Variants in ZNF326 observed in about 807,000 individuals in gnomAD.
The protein encoded by ZNF326 is DBIRD complex subunit ZNF326.
ZNF326 carries 30 observed loss-of-function variants against 63.1 expected under a neutral mutation model. The ratio of observed to expected loss-of-function variants is 0.48; its 90% confidence interval spans 0.36 to 0.64. The LOEUF is 0.64. ZNF326 is among the 30% of genes least tolerant of loss of function. The pLI, the probability that ZNF326 is intolerant of heterozygous loss-of-function variation, is 0.00. For synonymous variants in ZNF326, 194 were observed against 228.2 expected (o/e 0.85, Z 1.35); for missense variants, 609 against 720.3 (o/e 0.85, Z 1.77).
chr1:90,002,175 A>T (rs1489389416), intron 2 of ZNF326, among the ~76,000 whole-genome samples: 1 of 152,214 alleles, frequency 6.6e-6, no homozygotes, highest in Admixed American at 6.5e-5. Context: ...TGTATACAAT[A>T]TAAAGACTTT....
At chr1:90,021,806 C>T (rs959315193) in intron 10 of ZNF326, among the ~76,000 whole-genome samples, 3 of 152,084 alleles carry the variant, frequency 2.0e-5, no homozygotes, top group Non-Finnish European at 4.4e-5. Context: ...TCTTGATATT[C>T]CCTTGACACC....
At chr1:90,006,170 A>G (rs892629989) in intron 4 of ZNF326, 1 of 985,458 alleles carries the variant, frequency 1.0e-6, no homozygotes, top group South Asian at 4.7e-5. Context: ...AAAAATTAAG[A>G]AAGTGAACAG....
In ZNF326 at chr1:90,027,695, A is replaced by C; in HGVS notation, c.1743A>C (p.Glu581Asp). The C allele has an allele frequency of 6.2e-7, 1 of 1,613,964 alleles. No homozygotes were observed. Among genetic ancestry groups the C allele is most frequent in the Non-Finnish European group, 8.5e-7 (1 of 1,179,934 alleles). Reference protein sequence around the residue: ...PADFPVEQPEEN With the variant: ...PADFPVEQPEDN Reference sequence around the variant, plus strand: ...ACTTCCCTGTTGAGCAACCTGAAGAAAATTAAATATAAGGTATTAGATTTA... The same window carrying C: ...ACTTCCCTGTTGAGCAACCTGAAGACAATTAAATATAAGGTATTAGATTTA... Residue 581 changes from glutamate to aspartate, a missense_variant, in exon 12 of 12, where the codon GAA becomes GAC. Glu to Asp is a conservative substitution (Grantham distance 45). This residue lies in a region of ZNF326 where 399 missense variants were observed against 444.3 expected (regional missense o/e 0.90). Transcript: ENST00000340281.
Position 90,033,143 on chromosome 1 carries a change from C to T in ZNF326, c.*5442C>T, listed in dbSNP as rs898077679. ...GAGAAATTTATTGGTTGGAAAACTG[C>T]TATCTACAGGCCTTCCACTACCTAT... On this transcript the variant is annotated 3_prime_UTR_variant, in exon 12 of 12. Coordinates refer to ENST00000340281, the MANE Select transcript of ZNF326 (RefSeq NM_182976.4). 1 of 152,148 alleles carries T rather than the reference C, an allele frequency of 6.6e-6. No homozygotes were observed. Among genetic ancestry groups the T allele is most frequent in the African/African-American group, 2.4e-5 (1 of 41,420 alleles). 9.4% of individuals were successfully genotyped at this position (152,148 alleles called of 1,614,324 possible).
chr1:90,020,952 G>T (rs768908075), intron 10 of ZNF326, 30 bp downstream of exon 10: 8 of 1,604,424 alleles, frequency 5.0e-6, no homozygotes, highest in Non-Finnish European at 6.0e-6. Flanking sequence ...TAATAAAGTT[G>T]CCAGATTATC....
chr1:90,013,199 A>G lies in ZNF326; in HGVS notation c.888A>G (p.Arg296=), dbSNP rs1352602493. The G allele has an allele frequency of 1.2e-6, 2 of 1,610,690 alleles. No individual in the cohort carries two copies. Among genetic ancestry groups the G allele is most frequent in the Non-Finnish European group, 1.7e-6 (2 of 1,178,338 alleles). The change falls in exon 7 of 12, where the codon AGA becomes AGG. Residue 296 remains arginine, a synonymous_variant. Coordinates refer to ENST00000340281, the MANE Select transcript of ZNF326 (RefSeq NM_182976.4). ...IEARREKQRR[R]REKNSEKYGD... ...CTCGGCGAGAGAAACAAAGGCGCAG[A>G]AGAGAAAAAAACAGTGAGAAATACG...
intron 8 of ZNF326, among the ~76,000 whole-genome samples, chr1:90,018,098 C>T (rs1416748213): frequency 6.6e-6 from 1 of 152,072 alleles, no homozygotes; most frequent in Non-Finnish European, 1.5e-5. Flanking sequence ...TCAAGACCAG[C>T]CTGAGCAACA....
At chr1:90,008,660 A>G (rs1412674273) in intron 5 of ZNF326, among the ~76,000 whole-genome samples, 1 of 152,300 alleles carries the variant, frequency 6.6e-6, no homozygotes, top group East Asian at 1.9e-4. Context: ...CTTTTAAGTC[A>G]GCTGCTCTTA....
At chr1:90,006,265 G>C in intron 4 of ZNF326, 1 of 983,090 alleles carries the variant, frequency 1.0e-6, no homozygotes, top group Non-Finnish European at 1.2e-6. Flanking sequence ...CTAGGATTCA[G>C]AAGTAAATCT....
Position 90,010,125 on chromosome 1 carries a change from T to C in ZNF326, c.653T>C (p.Ile218Thr). The C allele has an allele frequency of 1.9e-6, 3 of 1,613,888 alleles. No individual in the cohort carries two copies. Among genetic ancestry groups the C allele is most frequent in the Non-Finnish European group, 2.5e-6 (3 of 1,179,840 alleles). Residue 218 changes from isoleucine to threonine, a missense_variant, in exon 6 of 12, where the codon ATT (isoleucine) becomes ACT (threonine). Ile to Thr is a moderately conservative substitution (Grantham distance 89). Coordinates refer to ENST00000340281, the MANE Select transcript of ZNF326 (RefSeq NM_182976.4). The stretch of plus-strand genomic sequence containing the variant: ...TTTGGAAGCATTCATAGACCCGGAA[T>C]TGTTGTTGACTATCAAAACAAATCC... ...GDFGSIHRPG[I>T]VVDYQNKSTN...
chr1:90,011,939 C>T lies in ZNF326; in HGVS notation c.815-1187C>T, dbSNP rs552183407. Among the ~76,000 whole-genome samples the T allele has an allele frequency of 6.6e-5, 10 of 152,226 alleles. No homozygotes were observed. The South Asian group carries it at 1.0e-3, about 16-fold the overall frequency. On this transcript the variant is annotated intron_variant, in intron 6 of 11. Transcript: ENST00000340281. ...TGCAACCTCTGCCCCTGGGTTCAAG[C>T]GATTCTCGTTCCTCAGCCTCCTGAG...
chr1:90,034,140 T>C lies in ZNF326; in HGVS notation c.*6439T>C, dbSNP rs945672168. 1 of 152,220 alleles carries C rather than the reference T, an allele frequency of 6.6e-6. No homozygotes were observed. Among genetic ancestry groups the C allele is most frequent in the Non-Finnish European group, 1.5e-5 (1 of 68,018 alleles). 9.4% of individuals were successfully genotyped at this position (152,220 alleles called of 1,614,324 possible). ...TCACATTGGTCTCAGACTTGTCATC[T>C]GTTCGTTGGAGTGCTACAACATACT... On this transcript the variant is annotated 3_prime_UTR_variant, in exon 12 of 12. Transcript: ENST00000340281.
At chr1:90,015,454 C>T (rs922665620) in intron 7 of ZNF326, among the ~76,000 whole-genome samples, 3 of 152,078 alleles carry the variant, frequency 2.0e-5, no homozygotes, top group East Asian at 1.9e-4. Flanking sequence ...CCAAGGCAGG[C>T]GGATTGCTTG....
intron 6 of ZNF326, among the ~76,000 whole-genome samples, chr1:90,011,799 A>T (rs1003692984): frequency 7.2e-5 from 11 of 152,132 alleles, no homozygotes; most frequent in African/African-American, 2.4e-4. Context: ...CTTCTATTCC[A>T]AAGAATTTAA....
intron 7 of ZNF326, among the ~76,000 whole-genome samples, chr1:90,015,124 C>CT (rs1226446991): frequency 6.6e-6 from 1 of 152,058 alleles, no homozygotes; most frequent in Non-Finnish European, 1.5e-5. Flanking sequence ...TTAAAGTAGT[C>CT]TAAGTTATTT....
rs746955167 is a variant in ZNF326 at position 90,007,327 on chromosome 1, A to G, written c.210-18A>G. The stretch of plus-strand genomic sequence containing the variant: ...TAAGCTTACTTTTGTTTTTTCCCTC[A>G]CTGTGCAACTTTTCCAGGTTTGGAC... On this transcript the variant is annotated intron_variant, in intron 4 of 11. Transcript: ENST00000340281. The surrounding 1 kb of genome is among the most constrained non-coding windows in gnomAD (Gnocchi z 4.9). 6.4e-7 allele frequency: 1 copy of G among 1,560,510 alleles called. No homozygotes were observed. The highest frequency in any genetic ancestry group is 8.7e-7 in the Non-Finnish European group (1 of 1,154,402).
At chr1:90,022,864 T>A (rs370950653) in intron 11 of ZNF326, among the ~76,000 whole-genome samples, 41 of 152,316 alleles carry the variant, frequency 2.7e-4, no homozygotes, top group African/African-American at 9.9e-4. Flanking sequence ...ACCTAGTTTT[T>A]TCTTCCAAGC....
rs188120945 is a variant in ZNF326 at position 90,016,399 on chromosome 1, A to G, written c.927-918A>G. On this transcript the variant is annotated intron_variant, in intron 7 of 11. Coordinates refer to ENST00000340281, the MANE Select transcript of ZNF326 (RefSeq NM_182976.4). ...AGTTATGTGACTGCTGGCATAATTC[A>G]AGGAAAAGAAAATAATGTAAAATAG... Among the ~76,000 whole-genome samples, 246 of 152,312 alleles carry G rather than the reference A, an allele frequency of 1.6e-3. 1 individual carries two copies. Among genetic ancestry groups the G allele is most frequent in the Non-Finnish European group, 2.8e-3 (188 of 68,024 alleles).
At chr1:90,006,091 A>G (rs781210590) in intron 4 of ZNF326, 15 of 985,434 alleles carry the variant, frequency 1.5e-5, no homozygotes, top group Non-Finnish European at 1.7e-5. Context: ...GGATTCCTTA[A>G]TGATGGACTG....
Sources: allele counts gnomAD v4.1 joint callset (sites outside exome capture counted in the v4.1 genomes callset), GRCh38; gene constraint gnomAD v4.1.1; regional missense constraint gnomAD v4.1.1; non-coding constraint Gnocchi (gnomAD v3.1); transcripts MANE v1.5; gene names NCBI Gene and HGNC (gene_info 2026-07-23, HGNC 2026-07-21).